The following GRIN3A variants were observed in gnomAD, a reference collection of about 807,000 sequenced individuals.
The protein encoded by GRIN3A is glutamate ionotropic receptor NMDA type subunit 3A, also known as glutamate receptor ionotropic, NMDA 3A.
A neutral mutation model predicts 92.4 loss-of-function variants in GRIN3A; 47 were observed. The ratio of observed to expected loss-of-function variants is 0.51; its 90% CI spans 0.40 to 0.65. The LOEUF is 0.65. Ranked by LOEUF, GRIN3A falls within the 30% of genes least tolerant of loss-of-function variation. The pLI is 0.00. For missense variants in GRIN3A, 1,324 were observed against 1,393.1 expected, an observed-to-expected ratio of 0.95 and a Z score of 0.79; for synonymous variants, 527 against 540.6, an observed-to-expected ratio of 0.97 and a Z score of 0.35.
chr9:101,671,529 A>G (rs557301763), intron 2 of GRIN3A, among the ~76,000 whole-genome samples: 2 of 152,264 alleles, frequency 1.3e-5, no homozygotes, highest in East Asian at 3.9e-4. Flanking sequence ...CCTTCTATTT[A>G]TCTATGTATC....
chr9:101,623,429 C>A lies in GRIN3A; in HGVS notation c.2503G>T (p.Asp835Tyr). The change falls in exon 5 of 9, where the codon GAT (aspartate) becomes TAT (tyrosine). Residue 835 changes from aspartate to tyrosine, a missense_variant. Coordinates refer to ENST00000361820, the MANE Select transcript of GRIN3A (RefSeq NM_133445.3). ...TPDGVEYLKN[D>Y]PEKLDAFIMD... ...ATGAAGGCGTCTAGTTTCTCTGGAT[C>A]ATTCCTATATTTAAGACCAGAGGAG... 6.3e-7 allele frequency: 1 copy of A among 1,592,248 alleles called. No homozygotes were observed. Among genetic ancestry groups the A allele is most frequent in the South Asian group, 1.1e-5 (1 of 90,652 alleles).
chr9:101,627,764 G>A (rs750363288), intron 4 of GRIN3A, among the ~76,000 whole-genome samples: 10 of 152,082 alleles, frequency 6.6e-5, no homozygotes, highest in African/African-American at 1.2e-4. Context: ...TGCAGGCATG[G>A]GAATCATTGT....
At chr9:101,689,743 TACACACACACACAC>T (rs33984810) in intron 1 of GRIN3A, among the ~76,000 whole-genome samples, 2 of 143,722 alleles carry the variant, frequency 1.4e-5, no homozygotes, top group Non-Finnish European at 3.1e-5. Context: ...CACACACACA[TACACACACACACAC>T]ACACACACAC....
intron 1 of GRIN3A, among the ~76,000 whole-genome samples, chr9:101,692,530 G>T (rs1296777226): frequency 6.6e-6 from 1 of 152,178 alleles, no homozygotes; most frequent in Non-Finnish European, 1.5e-5. Flanking sequence ...GAAGAGAAAA[G>T]ATGCAATTCT....
At chr9:101,669,892 A>G (rs1231449777) in intron 3 of GRIN3A, among the ~76,000 whole-genome samples, 168 bp downstream of exon 3, 1 of 152,174 alleles carries the variant, frequency 6.6e-6, no homozygotes, top group Non-Finnish European at 1.5e-5. Context: ...GAAACAAACA[A>G]TGGAATATTT....
In GRIN3A at chr9:101,686,695, G is replaced by A. The variant is rs1829539975; in HGVS notation, c.1205C>T (p.Thr402Ile). 2 of 1,614,192 alleles carry A rather than the reference G, an allele frequency of 1.2e-6. No homozygotes were observed. The highest frequency in any genetic ancestry group is 1.7e-6 in the Non-Finnish European group (2 of 1,180,036). The change falls in exon 2 of 9, where the codon ACA becomes ATA. Residue 402 changes from threonine (T) to isoleucine (I), a missense_variant. Transcript: ENST00000361820. ...AAGTTCTGGTTGGATCATGGTGGCT[G>A]TGGCTACAGCTCTTGCGACCAGCTC... Reference protein sequence around the residue: ...AMELVARAVATATMIQPELAL... With the variant: ...AMELVARAVAIATMIQPELAL...
intron 3 of GRIN3A, among the ~76,000 whole-genome samples, chr9:101,664,183 G>C (rs1334809328): frequency 1.3e-5 from 2 of 151,908 alleles, no homozygotes; most frequent in African/African-American, 4.8e-5. Context: ...CACGGCTGCA[G>C]TTTCTATCCA....
At chr9:101,731,983 T>C (rs1161193001) in intron 1 of GRIN3A, among the ~76,000 whole-genome samples, 2 of 152,224 alleles carry the variant, frequency 1.3e-5, no homozygotes, top group African/African-American at 2.4e-5. Flanking sequence ...GGATTTGGCA[T>C]CATATTTCTG....
chr9:101,666,635 C>T (rs956181872), intron 3 of GRIN3A, among the ~76,000 whole-genome samples: 2 of 152,018 alleles, frequency 1.3e-5, no homozygotes, highest in Non-Finnish European at 2.9e-5. Flanking sequence ...TACCCCTAAA[C>T]TTAAATTAAA....
intron 3 of GRIN3A, among the ~76,000 whole-genome samples, chr9:101,663,150 T>C (rs1243348581): frequency 6.6e-6 from 1 of 151,888 alleles, no homozygotes; most frequent in African/African-American, 2.4e-5. Context: ...AAAATGCTCT[T>C]CTCTAACATC....
chr9:101,696,386 T>C (rs1054477316), intron 1 of GRIN3A, among the ~76,000 whole-genome samples: 3 of 152,208 alleles, frequency 2.0e-5, no homozygotes, highest in African/African-American at 7.2e-5. Flanking sequence ...TGCAGTAGGA[T>C]GTTAAAGCTA....
At chr9:101,712,706 T>G (rs1452395233) in intron 1 of GRIN3A, among the ~76,000 whole-genome samples, 1 of 152,184 alleles carries the variant, frequency 6.6e-6, no homozygotes, top group Non-Finnish European at 1.5e-5. Flanking sequence ...ATCAGCTTAT[T>G]GCTAGAACAG....
At chr9:101,689,894 A>C (rs1829592782) in intron 1 of GRIN3A, among the ~76,000 whole-genome samples, 1 of 152,220 alleles carries the variant, frequency 6.6e-6, no homozygotes, top group Non-Finnish European at 1.5e-5. Flanking sequence ...TCTGTGTCTT[A>C]CATATGGTTT....
At chr9:101,714,578 A>G (rs201176466) in intron 1 of GRIN3A, among the ~76,000 whole-genome samples, 44 of 152,284 alleles carry the variant, frequency 2.9e-4, no homozygotes, top group East Asian at 7.7e-4. Context: ...TTCATTTTCA[A>G]ATTTTTCTGG....
rs546507022 is a variant in GRIN3A, at chr9:101,699,894, C to G, written c.700-12694G>C. 9.2e-5 allele frequency among the ~76,000 whole-genome samples: 14 copies of G among 152,308 alleles called. 1 individual carries two copies. Among genetic ancestry groups the G allele is most frequent in the Middle Eastern group, 3.4e-3 (1 of 294 alleles). On this transcript the variant is annotated intron_variant, in intron 1 of 8. Transcript: ENST00000361820. ...CTTGCCTCTACATCCACAGGTAAGT[C>G]ATTTTCTCTGCCCAGAACTTGCTTT...
At chr9:101,627,616 T>C (rs989378294) in intron 4 of GRIN3A, among the ~76,000 whole-genome samples, 3 of 152,168 alleles carry the variant, frequency 2.0e-5, no homozygotes, top group Non-Finnish European at 2.9e-5. Context: ...TTCCCTTTTC[T>C]CAGGAAGACT....
chr9:101,709,827 A>T (rs1829857737), intron 1 of GRIN3A, among the ~76,000 whole-genome samples: 1 of 152,196 alleles, frequency 6.6e-6, no homozygotes, highest in Non-Finnish European at 1.5e-5. Flanking sequence ...GCCCCAAGGA[A>T]GTGAAACACT....
intron 6 of GRIN3A, among the ~76,000 whole-genome samples, chr9:101,603,763 T>A (rs777368539): frequency 1.7e-4 from 26 of 152,326 alleles, no homozygotes; most frequent in Middle Eastern, 3.4e-3. Context: ...GGCATACAAT[T>A]CTGTCAATCC....
Position 101,686,834 on chromosome 9 carries a change from G to A in GRIN3A, c.1066C>T (p.Leu356=). The A allele has an allele frequency of 1.2e-6, 2 of 1,614,210 alleles. No individual in the cohort carries two copies. Among genetic ancestry groups the A allele is most frequent in the Non-Finnish European group, 1.7e-6 (2 of 1,180,052 alleles). ...GVMPPELRWV[L]GDSQNVEELR... ...TCCTCCACATTCTGGGAATCTCCCAGCACCCAACGAAGTTCAGGGGGCATG... is the reference window on the plus strand; with the variant it reads ...TCCTCCACATTCTGGGAATCTCCCAACACCCAACGAAGTTCAGGGGGCATG... The change falls in exon 2 of 9, where the codon CTG becomes TTG. Residue 356 remains leucine (L), a synonymous_variant. Transcript: ENST00000361820.
Sources: allele counts gnomAD v4.1 joint callset (sites outside exome capture counted in the v4.1 genomes callset), GRCh38; gene constraint gnomAD v4.1.1; transcripts MANE v1.5; gene names NCBI Gene and HGNC (gene_info 2026-07-23, HGNC 2026-07-21).